The following FANCA variants were observed in gnomAD, a reference collection of about 807,000 sequenced individuals.
The protein encoded by FANCA is FA complementation group A, also known as Fanconi anemia group A protein.
A neutral mutation model predicts 194.3 loss-of-function variants in FANCA; 236 were observed. The ratio of observed to expected loss-of-function variants is 1.21; its 90% CI spans 1.09 to 1.35. FANCA has a LOEUF of 1.35. Ranked by LOEUF, FANCA falls within the 40% of genes most tolerant of loss-of-function variation. The pLI is 0.00. For synonymous variants in FANCA, 1,014 were observed against 715.8 expected (o/e 1.42, Z -6.65); for missense variants, 2,628 against 1,813.9 (o/e 1.45, Z -8.15).
chr16:89,771,689 G>A lies in FANCA; in HGVS notation c.2140C>T (p.Arg714Trp), dbSNP rs200284845. 5.0e-6 allele frequency: 8 copies of A among 1,613,998 alleles called. No individual in the cohort carries two copies. The East Asian group carries it at 1.1e-4, about 22-fold the overall frequency. The change falls in exon 23 of 43, where the codon CGG becomes TGG. Residue 714 changes from arginine to tryptophan, a missense_variant. Arg to Trp is a moderately radical substitution (Grantham distance 101). Coordinates refer to ENST00000389301, the MANE Select transcript of FANCA (RefSeq NM_000135.4). ...LSINTPRLEP[R>W]EHMAVDLLLT... ...GCCCCTACACCTACCATGTGTTCCC[G>A]TGGCTCCAGTCTCGGCGTGTTGATG... is the stretch of plus-strand genomic sequence containing the variant.
intron 3 of FANCA, among the ~76,000 whole-genome samples, chr16:89,813,648 C>T (rs535778879): frequency 3.3e-5 from 5 of 152,142 alleles, no homozygotes; most frequent in Admixed American, 6.5e-5. Context: ...TGGCCAGGCT[C>T]GTCTCGAATC....
chr16:89,764,579 C>T (rs369913063), intron 28 of FANCA, among the ~76,000 whole-genome samples: 3 of 152,156 alleles, frequency 2.0e-5, no homozygotes, highest in Admixed American at 6.5e-5. Context: ...GTGCTGGGAT[C>T]ACAGGTGTGA....
rs1433114857 is a variant in FANCA at position 89,771,257 on chromosome 16, T to C, written c.2151+421A>G. 2.0e-5 allele frequency among the ~76,000 whole-genome samples: 3 copies of C among 151,284 alleles called. No homozygotes were observed. In the East Asian group the frequency reaches 5.8e-4, roughly 29 times the overall value. Reference sequence around the variant, plus strand: ...ACAGATCACTTGACCTCAGGACTTCTAGACCAGTCGAGGCAACACAGAGAA... The same window carrying C: ...ACAGATCACTTGACCTCAGGACTTCCAGACCAGTCGAGGCAACACAGAGAA... On this transcript the variant is annotated intron_variant, in intron 23 of 42. Coordinates refer to ENST00000389301, the MANE Select transcript of FANCA (RefSeq NM_000135.4).
At chr16:89,753,853 G>A (rs568012411) in intron 30 of FANCA, among the ~76,000 whole-genome samples, 14 of 152,248 alleles carry the variant, frequency 9.2e-5, no homozygotes, top group African/African-American at 2.9e-4. Context: ...TCAGGAGATC[G>A]AGACCATCCT....
rs181199402 is a variant in FANCA at position 89,741,453 on chromosome 16, A to G, written c.3766-587T>C. 4.6e-4 allele frequency among the ~76,000 whole-genome samples: 70 copies of G among 152,326 alleles called. 1 individual carries two copies. The highest frequency in any genetic ancestry group is 1.5e-3 in the African/African-American group (61 of 41,584). On this transcript the variant is annotated intron_variant, in intron 37 of 42. Coordinates refer to ENST00000389301, the MANE Select transcript of FANCA (RefSeq NM_000135.4). ...GAGCTGGTGTAAGTTGTGTGCTGACATGGCACCTATGCGTTGCGGATCTCG... is the reference window on the plus strand; with the variant it reads ...GAGCTGGTGTAAGTTGTGTGCTGACGTGGCACCTATGCGTTGCGGATCTCG...
intron 26 of FANCA, 153 bp downstream of exon 26, chr16:89,769,684 A>G: frequency 1.2e-6 from 1 of 812,112 alleles, no homozygotes; most frequent in Non-Finnish European, 2.1e-6. Flanking sequence ...CAAATGACAG[A>G]TAAAATTCTG....
At chr16:89,796,933 C>T (rs939411792) in intron 10 of FANCA, among the ~76,000 whole-genome samples, 1 of 152,016 alleles carries the variant, frequency 6.6e-6, no homozygotes, top group African/African-American at 2.4e-5. Context: ...CCAAGGGGGG[C>T]AGATGACAAG....
Position 89,738,127 on chromosome 16 carries a change from G to T in FANCA, c.*474C>A. 1 of 1,613,780 alleles carries T rather than the reference G, an allele frequency of 6.2e-7. No homozygotes were observed. Among genetic ancestry groups the T allele is most frequent in the Non-Finnish European group, 8.5e-7 (1 of 1,180,034 alleles). ...CAACCTCAATGTACACATGTCCATGGTGCACCCGCTGACACAGACCCAGGA... is the reference window on the plus strand; with the variant it reads ...CAACCTCAATGTACACATGTCCATGTTGCACCCGCTGACACAGACCCAGGA... On this transcript the variant is annotated 3_prime_UTR_variant, in exon 43 of 43. Transcript: ENST00000389301.
In FANCA at chr16:89,792,500, G is replaced by T; in HGVS notation, c.1054C>A (p.His352Asn). 6.2e-7 allele frequency: 1 copy of T among 1,613,514 alleles called. No homozygotes were observed. Among genetic ancestry groups the T allele is most frequent in the Admixed American group, 1.7e-5 (1 of 60,022 alleles). ...MQREWSFART[H>N]PLLTSLYRRL... ...CGGTACAGTGAGGTGAGCAGAGGGT[G>T]TGTCCGCGCAAAGCTCCACTCTCTC... is the stretch of plus-strand genomic sequence containing the variant. Residue 352 changes from histidine to asparagine, a missense_variant, in exon 12 of 43, where the codon CAC (histidine) becomes AAC (asparagine). Transcript: ENST00000389301.
chr16:89,753,323 C>T (rs899086532), intron 30 of FANCA, among the ~76,000 whole-genome samples: 3 of 152,168 alleles, frequency 2.0e-5, no homozygotes, highest in South Asian at 2.1e-4. Context: ...CACTACCGGT[C>T]TCCGCGCATT....
chr16:89,781,366 A>G (rs2039696889), intron 17 of FANCA, among the ~76,000 whole-genome samples: 1 of 144,406 alleles, frequency 6.9e-6, no homozygotes, highest in South Asian at 2.2e-4. Flanking sequence ...TCCATTCCAA[A>G]AAAAAAAAAA....
At chr16:89,760,236 G>C (rs1352690986) in intron 29 of FANCA, among the ~76,000 whole-genome samples, 1 of 152,252 alleles carries the variant, frequency 6.6e-6, no homozygotes, top group African/African-American at 2.4e-5. Flanking sequence ...GGAGAAACGG[G>C]GGTGAGTGAA....
At chr16:89,774,512 C>T (rs1056510768) in intron 21 of FANCA, among the ~76,000 whole-genome samples, 4 of 150,726 alleles carry the variant, frequency 2.7e-5, no homozygotes, top group Non-Finnish European at 3.0e-5. Flanking sequence ...GGGTGGATCA[C>T]GAGGTCAGGA....
chr16:89,774,144 G>A (rs1378547636), intron 21 of FANCA, among the ~76,000 whole-genome samples: 1 of 152,146 alleles, frequency 6.6e-6, no homozygotes, highest in East Asian at 1.9e-4. Context: ...TGGGGTTGCT[G>A]GAGAAGACAC....
intron 31 of FANCA, among the ~76,000 whole-genome samples, chr16:89,751,902 GT>G (rs1567605414): frequency 3.3e-5 from 5 of 151,794 alleles, no homozygotes; most frequent in Non-Finnish European, 7.4e-5. Context: ...TCCCGAGTAG[GT>G]GGGGCTACAG....
At chr16:89,740,901 A>C (rs1428755264) in intron 37 of FANCA, 35 bp from the exon 38 acceptor site, 1 of 1,554,202 alleles carries the variant, frequency 6.4e-7, no homozygotes, top group East Asian at 2.3e-5. Context: ...TATTACATTA[A>C]AATTACCTGT....
intron 11 of FANCA, among the ~76,000 whole-genome samples, chr16:89,794,652 C>T (rs71396965): frequency 0.012 from 1,856 of 152,330 alleles, 34 homozygotes; most frequent in South Asian, 0.095. Context: ...GAGCACCTCA[C>T]AGCACCTGTT....
chr16:89,815,986 G>A lies in FANCA; in HGVS notation c.80C>T (p.Ala27Val), dbSNP rs765679791. The A allele has an allele frequency of 8.1e-6, 13 of 1,610,752 alleles. No individual in the cohort carries two copies. Among genetic ancestry groups the A allele is most frequent in the Admixed American group, 3.3e-5 (2 of 60,030 alleles). The change falls in exon 2 of 43, where the codon GCG becomes GTG. Residue 27 changes from alanine to valine, a missense_variant and splice_region_variant. Coordinates refer to ENST00000389301, the MANE Select transcript of FANCA (RefSeq NM_000135.4). ...GRRRAWAELL[A>V]GRVKREKYNP... ...ATATTTTTCCCTCTTGACCCTTCCC[G>A]CTACGGAGAGAAGTCGGTTCGAAAC...
Position 89,779,882 on chromosome 16 carries a change from C to T in FANCA, c.1702G>A (p.Val568Ile), listed in dbSNP as rs778754162. 1.8e-5 allele frequency: 29 copies of T among 1,613,700 alleles called. No individual in the cohort carries two copies. The highest frequency in any genetic ancestry group is 1.7e-4 in the Middle Eastern group (1 of 5,746). Residue 568 changes from valine to isoleucine, a missense_variant, in exon 18 of 43, where the codon GTC becomes ATC. Coordinates refer to ENST00000389301, the MANE Select transcript of FANCA (RefSeq NM_000135.4). ...AGCCCAGCCTACCTGGCCTCCATGACGGTGACTGGGATGTTCCCCGTATGC... is the reference window on the plus strand; with the variant it reads ...AGCCCAGCCTACCTGGCCTCCATGATGGTGACTGGGATGTTCCCCGTATGC... ...FEHTGNIPVT[V>I]MEASIFRRPY... is the part of the protein sequence containing the mutation.
Sources: allele counts gnomAD v4.1 joint callset (sites outside exome capture counted in the v4.1 genomes callset), GRCh38; gene constraint gnomAD v4.1.1; transcripts MANE v1.5; gene names NCBI Gene and HGNC (gene_info 2026-07-23, HGNC 2026-07-21).